Variants in DDX27 observed in about 807,000 individuals in gnomAD.
DDX27 encodes the protein probable ATP-dependent RNA helicase DDX27.
A neutral mutation model predicts 99.3 loss-of-function variants in DDX27; 42 were observed. The observed-to-expected ratio is 0.42, with a 90% CI of 0.33 to 0.55. The LOEUF (loss-of-function observed/expected upper bound fraction) is 0.55. DDX27 is among the 20% of genes least tolerant of loss of function. The probability of loss-of-function intolerance (pLI) is 0.07; values close to 1 mark genes in which losing one functional copy is unlikely to be tolerated. For missense variants in DDX27, 798 were observed against 976.8 expected (o/e 0.82, Z 2.44); for synonymous variants, 329 against 353.8 (o/e 0.93, Z 0.79).
chr20:49,233,448 A>G, intron 10 of DDX27, 43 bp downstream of exon 10: 1 of 1,607,246 alleles, frequency 6.2e-7, no homozygotes, highest in Non-Finnish European at 8.5e-7. Flanking sequence ...AGGTGTGCCC[A>G]GAGGGGGCCA....
chr20:49,223,923 G>A (rs1028530387), intron 4 of DDX27, among the ~76,000 whole-genome samples: 3 of 152,088 alleles, frequency 2.0e-5, no homozygotes, highest in African/African-American at 7.2e-5. Context: ...CCATCCACAG[G>A]CTGGAGTGCA....
chr20:49,222,863 A>T lies in DDX27; in HGVS notation c.241-94A>T, dbSNP rs1979739576. 2.3e-5 allele frequency: 25 copies of T among 1,108,236 alleles called. No homozygotes were observed. The South Asian group carries it at 3.3e-4, about 14-fold the overall frequency. 68.7% of individuals were successfully genotyped at this position (1,108,236 alleles called of 1,614,324 possible). A position where few individuals can be genotyped will look rare whatever the true frequency, so the allele number is the denominator to read the frequency against. On this transcript the variant is annotated intron_variant, in intron 2 of 20. Transcript: ENST00000618172. ...ATATGTATTTTCAGAGAAGGCCAAA[A>T]TTTTTTCTTTTTCAAGTTAATTATG... is the stretch of plus-strand genomic sequence containing the variant.
chr20:49,231,296 C>T (rs74784918), intron 9 of DDX27, among the ~76,000 whole-genome samples: 2,322 of 152,264 alleles, frequency 0.015, 60 homozygotes, highest in South Asian at 0.07. Flanking sequence ...CTCCCATGAA[C>T]AAGGGCATGT....
intron 8 of DDX27, among the ~76,000 whole-genome samples, chr20:49,229,486 T>C (rs1358763770): frequency 6.6e-6 from 1 of 152,108 alleles, no homozygotes; most frequent in Non-Finnish European, 1.5e-5. Context: ...AAATATTACT[T>C]TGGGCAGCGT....
chr20:49,230,379 CTG>C, intron 9 of DDX27, 30 bp downstream of exon 9: 5 of 1,589,198 alleles, frequency 3.1e-6, no homozygotes, highest in Non-Finnish European at 4.3e-6. Context: ...GCCCAGGGCA[CTG>C]TGGGGTTCCA....
intron 18 of DDX27, 76 bp from the exon 19 acceptor site, chr20:49,242,518 C>A: frequency 7.1e-7 from 1 of 1,408,928 alleles, no homozygotes; most frequent in Non-Finnish European, 9.9e-7. Flanking sequence ...AACTTGGAAT[C>A]ATTACCTTGA....
chr20:49,233,294 C>G lies in DDX27; in HGVS notation c.1032-12C>G. The G allele has an allele frequency of 6.2e-7, 1 of 1,609,726 alleles. No individual in the cohort carries two copies. The highest frequency in any genetic ancestry group is 8.5e-7 in the Non-Finnish European group (1 of 1,176,402). ...CTCTCTCCATTTCTGCCATGTCTTTCTCTGCTCCCAGGATGCTGGATGAGT... is the reference window on the plus strand; with the variant it reads ...CTCTCTCCATTTCTGCCATGTCTTTGTCTGCTCCCAGGATGCTGGATGAGT... On this transcript the variant is annotated splice_polypyrimidine_tract_variant and intron_variant, in intron 9 of 20. Transcript: ENST00000618172.
intron 14 of DDX27, chr20:49,237,998 TTAG>T (rs1389770972): frequency 2.0e-5 from 3 of 152,214 alleles, no homozygotes; most frequent in Admixed American, 2.0e-4. Flanking sequence ...TTACACAGTA[TTAG>T]TAGTCACCCT....
intron 8 of DDX27, 142 bp downstream of exon 8, chr20:49,229,030 CTTTTTTTTTTT>C: frequency 3.5e-6 from 1 of 286,506 alleles, no homozygotes; most frequent in South Asian, 1.0e-4. Flanking sequence ...AACTGGAAGA[CTTTTTTTTTTT>C]TTTTTTTTTT....
rs1423663160 is a variant in DDX27, at chr20:49,243,653, G to A, written c.2229G>A (p.Gln743=). ...GCCCTTCCTTTGAAGAAAGGAAACA[G>A]TTGGGCTTGCCCCACCAGAGACGAG... ...RAGPSFEERK[Q]LGLPHQRRGG... Residue 743 remains glutamine, a synonymous_variant, in exon 20 of 21, where the codon CAG becomes CAA. Transcript: ENST00000618172. 1 of 1,614,082 alleles carries A rather than the reference G, an allele frequency of 6.2e-7. No homozygotes were observed. The highest frequency in any genetic ancestry group is 2.2e-5 in the East Asian group (1 of 44,898).
At chr20:49,225,873 C>G (rs62212765) in intron 6 of DDX27, among the ~76,000 whole-genome samples, 7 of 152,176 alleles carry the variant, frequency 4.6e-5, no homozygotes, top group Non-Finnish European at 4.4e-5. Context: ...CTACAAGGCT[C>G]TGCCCCTTCT....
At chr20:49,237,376 TA>T (rs10709002) in intron 14 of DDX27, among the ~76,000 whole-genome samples, 118,881 of 152,144 alleles carry the variant, frequency 0.78, 46,796 homozygotes, top group Non-Finnish European at 0.84. Context: ...AATTAGTAAA[TA>T]AAAAAAAATG....
Position 49,228,782 on chromosome 20 carries a change from C to T in DDX27, c.774C>T (p.Val258=). 6.2e-7 allele frequency: 1 copy of T among 1,613,388 alleles called. No individual in the cohort carries two copies. Among genetic ancestry groups the T allele is most frequent in the Non-Finnish European group, 8.5e-7 (1 of 1,179,574 alleles). The change falls in exon 8 of 21, where the codon GTC becomes GTT. Residue 258 remains valine, a synonymous_variant. Coordinates refer to ENST00000618172, the MANE Select transcript of DDX27 (RefSeq NM_017895.8). ...TTTATAAACCCCGCCAGGCTCCAGTCACCCGCGTGCTGGTGCTAGTGCCCA... is the reference window on the plus strand; with the variant it reads ...TTTATAAACCCCGCCAGGCTCCAGTTACCCGCGTGCTGGTGCTAGTGCCCA... ...RLIYKPRQAP[V]TRVLVLVPTR... is the part of the protein sequence containing the mutation.
chr20:49,226,841 T>C lies in DDX27; in HGVS notation c.706+306T>C, dbSNP rs181172918. Among the ~76,000 whole-genome samples, 266 of 139,508 alleles carry C rather than the reference T, an allele frequency of 1.9e-3. 2 individuals are homozygous for C. Among genetic ancestry groups the C allele is most frequent in the Middle Eastern group, 9.0e-3 (2 of 222 alleles). 91.5% of individuals were successfully genotyped at this position (139,508 alleles called of 152,430 possible). On this transcript the variant is annotated intron_variant, in intron 7 of 20. Transcript: ENST00000618172. ...ACACAAAAAAGATATACTGGTGCAA[T>C]TGAGAGAGTAAAGGACTTTTTTTTT...
chr20:49,239,456 C>T, intron 16 of DDX27, 118 bp downstream of exon 16: 1 of 712,146 alleles, frequency 1.4e-6, no homozygotes, highest in Non-Finnish European at 2.3e-6. Context: ...GCACCAAGGA[C>T]CAGTATCGTG....
chr20:49,242,500 A>G, intron 18 of DDX27, 94 bp from the exon 19 acceptor site: 1 of 1,256,822 alleles, frequency 8.0e-7, no homozygotes, highest in East Asian at 2.3e-5. Context: ...ATGCCAGAGT[A>G]TCCACTGAAC....
rs769877637 is a variant in DDX27, at chr20:49,223,406, G to A, written c.439G>A (p.Ala147Thr). 6.2e-6 allele frequency: 10 copies of A among 1,612,384 alleles called. No homozygotes were observed. In the Middle Eastern group the frequency reaches 4.9e-4, roughly 80 times the overall value. Residue 147 changes from alanine (A) to threonine (T), a missense_variant, in exon 4 of 21, where the codon GCT becomes ACT. Ala to Thr is a moderately conservative substitution (Grantham distance 58). Around this residue, in one of 2 missense-constraint regions of DDX27, gnomAD observed 245 missense variants for 248.8 expected, o/e 0.98. Coordinates refer to ENST00000618172, the MANE Select transcript of DDX27 (RefSeq NM_017895.8). ...AGCCTCGGAGACTGACTACTCATCA[G>A]CTGATGAGAACATCCTCACCAAAGC... ...DEASETDYSS[A>T]DENILTKADT...
intron 11 of DDX27, 198 bp downstream of exon 11, chr20:49,233,907 A>G (rs1980215226): frequency 1.2e-5 from 7 of 579,606 alleles, no homozygotes; most frequent in South Asian, 4.5e-5. Context: ...CGCCTCACCA[A>G]TCCTCTTTGT....
chr20:49,223,530 A>C, intron 4 of DDX27, 97 bp downstream of exon 4: 1 of 1,170,702 alleles, frequency 8.5e-7, no homozygotes, highest in Non-Finnish European at 1.2e-6. Context: ...TGCACAGTTT[A>C]TCTTTAAGCT....
Sources: allele counts gnomAD v4.1 joint callset (sites outside exome capture counted in the v4.1 genomes callset), GRCh38; gene constraint gnomAD v4.1.1; regional missense constraint gnomAD v4.1.1; transcripts MANE v1.5; gene names NCBI Gene and HGNC (gene_info 2026-07-23, HGNC 2026-07-21).